The following BICDL1 variants were observed in gnomAD, a reference collection of about 807,000 sequenced individuals.
BICDL1 encodes BICD family like cargo adaptor 1, also known as BICD family-like cargo adapter 1.
Under a neutral mutation model 76.8 loss-of-function variants are expected in BICDL1, and 20 were observed. The ratio of observed to expected loss-of-function variants is 0.26; its 90% CI spans 0.18 to 0.38. The LOEUF (loss-of-function observed/expected upper bound fraction) is 0.38. BICDL1 is among the 10% of genes least tolerant of loss of function. BICDL1 has a pLI of 1.00. For synonymous variants in BICDL1, 383 were observed against 337.1 expected (o/e 1.14, Z -1.49); for missense variants, 700 against 798.6 (o/e 0.88, Z 1.49).
At chr12:120,055,289 C>A (rs139531323) in intron 2 of BICDL1, among the ~76,000 whole-genome samples, 2 of 152,302 alleles carry the variant, frequency 1.3e-5, no homozygotes, top group African/African-American at 4.8e-5. Flanking sequence ...ATAAATAATG[C>A]AATTTCCTTC....
At chr12:120,005,696 G>A (rs893720072) in intron 2 of BICDL1, among the ~76,000 whole-genome samples, 1 of 152,088 alleles carries the variant, frequency 6.6e-6, no homozygotes, top group Non-Finnish European at 1.5e-5. Context: ...AAACAAAATG[G>A]TTTTCTTAAA....
At chr12:119,992,592 C>G (rs1334535650) in intron 1 of BICDL1, 1 of 152,252 alleles carries the variant, frequency 6.6e-6, no homozygotes, top group East Asian at 1.9e-4. Flanking sequence ...ACTATGTTGC[C>G]AAGGCTGGTC....
chr12:120,060,174 T>C (rs1953073788), intron 2 of BICDL1, among the ~76,000 whole-genome samples: 1 of 152,236 alleles, frequency 6.6e-6, no homozygotes, highest in Non-Finnish European at 1.5e-5. Flanking sequence ...TCAGTAAATA[T>C]TACTAATGTG....
At chr12:120,051,295 C>G (rs1952855071) in intron 2 of BICDL1, among the ~76,000 whole-genome samples, 1 of 152,212 alleles carries the variant, frequency 6.6e-6, no homozygotes, top group South Asian at 2.1e-4. Context: ...ATCTGCCTGC[C>G]TCAGCCTCCC....
At chr12:120,083,674 T>G (rs1395530558) in intron 8 of BICDL1, among the ~76,000 whole-genome samples, 3 of 146,990 alleles carry the variant, frequency 2.0e-5, no homozygotes, top group Non-Finnish European at 4.5e-5. Context: ...TTTATTTATT[T>G]ATTGAGATGG....
chr12:120,065,553 A>G (rs1367042780), intron 4 of BICDL1, among the ~76,000 whole-genome samples: 1 of 152,246 alleles, frequency 6.6e-6, no homozygotes, highest in African/African-American at 2.4e-5. Flanking sequence ...CAGTCTTCCC[A>G]GAAATAGAGT....
Position 120,094,287 on chromosome 12 carries a change from A to G in BICDL1, c.*1126A>G, listed in dbSNP as rs1312060480. 1 of 456,804 alleles carries G rather than the reference A, an allele frequency of 2.2e-6. No homozygotes were observed. The highest frequency in any genetic ancestry group is 1.5e-5 in the South Asian group (1 of 64,572). 28.3% of individuals were successfully genotyped at this position (456,804 alleles called of 1,614,324 possible). Reference sequence around the variant, plus strand: ...CTCCCTCCCTCCCTCACGTGGGGAAAGCACAGCAGGGATGCGCGGCAAGAA... The same window carrying G: ...CTCCCTCCCTCCCTCACGTGGGGAAGGCACAGCAGGGATGCGCGGCAAGAA... On this transcript the variant is annotated 3_prime_UTR_variant, in exon 10 of 10. Coordinates refer to ENST00000548673, the MANE Select transcript of BICDL1 (RefSeq NM_001367886.1).
intron 7 of BICDL1, among the ~76,000 whole-genome samples, chr12:120,076,339 C>A (rs1352754549): frequency 6.6e-6 from 1 of 152,144 alleles, no homozygotes; most frequent in Non-Finnish European, 1.5e-5. Flanking sequence ...TCTGTAAGGT[C>A]TTTGGATTAA....
chr12:120,085,208 G>A lies in BICDL1; in HGVS notation c.1583+4191G>A, dbSNP rs923873879. On this transcript the variant is annotated intron_variant, in intron 8 of 9. Coordinates refer to ENST00000548673, the MANE Select transcript of BICDL1 (RefSeq NM_001367886.1). ...GGCCTGCAATCCCAGCGCTTTGGGA[G>A]GCTGAGGCAGGTGGATCACTTGAGG... 2.6e-5 allele frequency among the ~76,000 whole-genome samples: 4 copies of A among 152,278 alleles called. No homozygotes were observed. The East Asian group carries it at 7.7e-4, about 29-fold the overall frequency.
chr12:120,022,452 T>C (rs1358056022), intron 2 of BICDL1, among the ~76,000 whole-genome samples: 1 of 147,052 alleles, frequency 6.8e-6, no homozygotes, highest in Admixed American at 6.8e-5. Context: ...TATATGTATT[T>C]TATATATTAT....
chr12:120,078,264 T>C (rs374071118), intron 7 of BICDL1, among the ~76,000 whole-genome samples: 2 of 152,360 alleles, frequency 1.3e-5, no homozygotes, highest in South Asian at 4.1e-4. Flanking sequence ...CCCATGAGGA[T>C]GAGCTCAAGG....
chr12:120,052,341 CTT>C (rs1392021230), intron 2 of BICDL1, among the ~76,000 whole-genome samples: 3 of 145,124 alleles, frequency 2.1e-5, no homozygotes, highest in Non-Finnish European at 4.5e-5. Context: ...CTCTGTTTCT[CTT>C]TTTCTTTCAT....
Position 119,990,402 on chromosome 12 carries a change from T to C in BICDL1, c.429+105T>C, listed in dbSNP as rs937729366. ...CTCACCCCCACTTCGTTGCTCACCC[T>C]ACCTCGCAGAAAATCTGGAATGAAT... On this transcript the variant is annotated intron_variant, in intron 1 of 9. Coordinates refer to ENST00000548673, the MANE Select transcript of BICDL1 (RefSeq NM_001367886.1). 2.3e-5 allele frequency: 34 copies of C among 1,496,602 alleles called. No homozygotes were observed. In the African/African-American group the frequency reaches 3.4e-4, roughly 15 times the overall value. 92.7% of individuals were successfully genotyped at this position (1,496,602 alleles called of 1,614,324 possible).
intron 2 of BICDL1, among the ~76,000 whole-genome samples, chr12:120,036,183 A>G (rs1031620508): frequency 2.0e-5 from 3 of 152,228 alleles, no homozygotes; most frequent in African/African-American, 4.8e-5. Flanking sequence ...AGCACACATT[A>G]CTATGGGATA....
rs538521402 is a variant in BICDL1, at chr12:119,989,946, G to T, written c.78G>T (p.Leu26=). 480 of 1,465,490 alleles carry T rather than the reference G, an allele frequency of 3.3e-4. 3 individuals are homozygous for T. The African/African-American group carries it at 6.1e-3, about 19-fold the overall frequency. The allele number at this position is 1,465,490 out of a possible 1,614,324, so 90.8% of individuals were successfully genotyped here. ...CGGACAGCGCCTGCTGCATGGAGCT[G>T]CCCGCCGCGGCCGGGGACGCAGTCC... ...AEPDSACCME[L]PAAAGDAVRS... is the part of the protein sequence containing the mutation. Residue 26 remains leucine, a synonymous_variant, in exon 1 of 10, where the codon CTG becomes CTT. Coordinates refer to ENST00000548673, the MANE Select transcript of BICDL1 (RefSeq NM_001367886.1).
In BICDL1 at chr12:120,071,756, C is replaced by T. The variant is rs1348272645; in HGVS notation, c.1044C>T (p.Ile348=). 5.6e-6 allele frequency: 9 copies of T among 1,611,614 alleles called. No individual in the cohort carries two copies. Among genetic ancestry groups the T allele is most frequent in the Admixed American group, 3.3e-5 (2 of 59,912 alleles). ...AATSTSLLSE[I]EQSMEAEELE... ...CCAGCACATCCCTCCTGTCAGAGAT[C>T]GAGCAGAGCATGGAGGCTGAGGAGC... Residue 348 remains isoleucine, a synonymous_variant, in exon 5 of 10, where the codon ATC becomes ATT. Coordinates refer to ENST00000548673, the MANE Select transcript of BICDL1 (RefSeq NM_001367886.1). This position sits in a 1 kb window ranked among gnomAD's most constrained non-coding sequence, Gnocchi z 4.8.
At chr12:120,091,671 A>G (rs567996593) in intron 9 of BICDL1, 2 of 985,214 alleles carry the variant, frequency 2.0e-6, no homozygotes, top group South Asian at 9.4e-5. Flanking sequence ...GAGGCTGGAG[A>G]GCAGGCCCTG....
intron 2 of BICDL1, among the ~76,000 whole-genome samples, chr12:120,014,204 A>G (rs1952014749): frequency 6.6e-6 from 1 of 152,246 alleles, no homozygotes; most frequent in East Asian, 1.9e-4. Flanking sequence ...AGCTATTATT[A>G]AAGAAGAACT....
intron 2 of BICDL1, among the ~76,000 whole-genome samples, chr12:120,051,109 G>A (rs573618875): frequency 8.8e-5 from 13 of 148,370 alleles, no homozygotes; most frequent in Non-Finnish European, 1.3e-4. Flanking sequence ...GTGCAATGGC[G>A]TGATCCCGGC....
Sources: allele counts gnomAD v4.1 joint callset (sites outside exome capture counted in the v4.1 genomes callset), GRCh38; gene constraint gnomAD v4.1.1; non-coding constraint Gnocchi (gnomAD v3.1); transcripts MANE v1.5; gene names NCBI Gene and HGNC (gene_info 2026-07-23, HGNC 2026-07-21).